SNF8: variants seen among roughly 807,000 people sequenced by gnomAD.
SNF8 encodes SNF8 subunit of ESCRT-II.
SNF8 carries 19 observed loss-of-function variants against 36.8 expected under a neutral mutation model. The observed-to-expected ratio is 0.52, with a 90% CI of 0.36 to 0.76. SNF8 has a LOEUF of 0.76. SNF8 is among the 30% of genes least tolerant of loss of function. SNF8 has a pLI of 0.00. For synonymous variants in SNF8, 127 were observed against 127.4 expected (o/e 1.00, Z 0.02); for missense variants, 268 against 322.9 (o/e 0.83, Z 1.30).
At chr17:48,936,093 G>A in intron 5 of SNF8, 77 bp downstream of exon 5, 2 of 1,014,026 alleles carry the variant, frequency 2.0e-6, no homozygotes, top group Non-Finnish European at 3.1e-6. Context: ...TAGACATGAG[G>A]AATAGGGAGA....
At chr17:48,936,978 G>C (rs1567786923) in intron 4 of SNF8, 42 bp downstream of exon 4, 1 of 1,384,428 alleles carries the variant, frequency 7.2e-7, no homozygotes. Flanking sequence ...CTCCCTCTCA[G>C]AGAAGTCCAG....
chr17:48,934,490 G>T, intron 5 of SNF8: 1 of 209,742 alleles, frequency 4.8e-6, no homozygotes, highest in South Asian at 5.2e-5. Flanking sequence ...TGTAATCCCA[G>T]CTACTCAGGA....
Position 48,929,745 on chromosome 17 carries a change from G to A in SNF8, c.*730C>T, listed in dbSNP as rs1450347909. 6.6e-6 allele frequency: 1 copy of A among 152,170 alleles called. No individual in the cohort carries two copies. The allele number at this position is 152,170 out of a possible 1,614,324, so 9.4% of individuals were successfully genotyped here. On this transcript the variant is annotated 3_prime_UTR_variant, in exon 8 of 8. Coordinates refer to ENST00000502492, the MANE Select transcript of SNF8 (RefSeq NM_007241.4). Reference sequence around the variant, plus strand: ...TTACTTTGATTGAATCACCTGTGATGTTGAAGGCTGCCTACTTGGTGAAAT... The same window carrying A: ...TTACTTTGATTGAATCACCTGTGATATTGAAGGCTGCCTACTTGGTGAAAT...
chr17:48,931,599 C>G (rs958651405), intron 7 of SNF8, 44 bp downstream of exon 7: 2 of 1,531,464 alleles, frequency 1.3e-6, no homozygotes, highest in Non-Finnish European at 1.8e-6. Context: ...ATCCTCCCAA[C>G]TGGGGCCTGC....
chr17:48,931,539 G>A, intron 7 of SNF8, 104 bp downstream of exon 7: 2 of 922,914 alleles, frequency 2.2e-6, no homozygotes, highest in Non-Finnish European at 3.3e-6. Context: ...AGCCTTCAAG[G>A]CAGAAGGCCA....
Position 48,930,485 on chromosome 17 carries a change from G to A in SNF8, c.767C>T (p.Ala256Val), listed in dbSNP as rs773589996. 14 of 1,605,352 alleles carry A rather than the reference G, an allele frequency of 8.7e-6. No individual in the cohort carries two copies. The highest frequency in any genetic ancestry group is 5.0e-5 in the Admixed American group (3 of 59,436). ...QEITAEEAREALP is the reference protein window; with the variant it reads ...QEITAEEAREVLP Reference sequence around the variant, plus strand: ...CCCTTCCACATGCAGTCAGGGGAGGGCTTCTCTGGCCTCCTCAGCTGTAAT... The same window carrying A: ...CCCTTCCACATGCAGTCAGGGGAGGACTTCTCTGGCCTCCTCAGCTGTAAT... The change falls in exon 8 of 8, where the codon GCC (alanine) becomes GTC (valine). Residue 256 changes from alanine to valine, a missense_variant. Ala to Val is a moderately conservative substitution (Grantham distance 64). Coordinates refer to ENST00000502492, the MANE Select transcript of SNF8 (RefSeq NM_007241.4).
At chr17:48,931,589 A>G in intron 7 of SNF8, 54 bp downstream of exon 7, 2 of 1,444,592 alleles carry the variant, frequency 1.4e-6, no homozygotes. Flanking sequence ...TGGAACCCAC[A>G]TCCTCCCAAC....
chr17:48,944,809 C>A lies in SNF8; in HGVS notation c.-75G>T, dbSNP rs559088602. The stretch of plus-strand genomic sequence containing the variant: ...ACGTCCCGGACTCCGCCGCCGGCTC[C>A]CCAAGGCGGAAGCCCGAGCCGCGCG... On this transcript the variant is annotated 5_prime_UTR_variant, in exon 1 of 8. Coordinates refer to ENST00000502492, the MANE Select transcript of SNF8 (RefSeq NM_007241.4). 2.1e-6 allele frequency: 3 copies of A among 1,452,754 alleles called. No homozygotes were observed. The highest frequency in any genetic ancestry group is 2.7e-6 in the Non-Finnish European group (3 of 1,114,534). 90.0% of individuals were successfully genotyped at this position (1,452,754 alleles called of 1,614,324 possible).
chr17:48,944,539 C>G (rs940893091), intron 1 of SNF8, 142 bp downstream of exon 1: 15 of 942,526 alleles, frequency 1.6e-5, no homozygotes, highest in Non-Finnish European at 2.5e-5. Context: ...CCACCGGAAG[C>G]TGGAGAAATT....
chr17:48,940,126 C>T (rs1045775739), intron 3 of SNF8, among the ~76,000 whole-genome samples: 1 of 149,928 alleles, frequency 6.7e-6, no homozygotes, highest in Non-Finnish European at 1.5e-5. Context: ...GCTGCAGCCT[C>T]AACTTCCCAG....
In SNF8 at chr17:48,933,283, A is replaced by G; in HGVS notation, c.486T>C (p.Pro162=). The change falls in exon 6 of 8, where the codon CCT becomes CCC. Residue 162 remains proline, a synonymous_variant. Transcript: ENST00000502492. The part of the protein sequence containing the change: ...KALGTGFGII[P]VGGTYLIQSV... ...ACTGAATGAGGTAAGTGCCGCCCACAGGGATGATGCCGAAGCCAGTGCCAA... is the reference window on the plus strand; with the variant it reads ...ACTGAATGAGGTAAGTGCCGCCCACGGGGATGATGCCGAAGCCAGTGCCAA... The G allele has an allele frequency of 6.2e-7, 1 of 1,614,166 alleles. No homozygotes were observed. Among genetic ancestry groups the G allele is most frequent in the East Asian group, 2.2e-5 (1 of 44,886 alleles).
chr17:48,930,432 C>A lies in SNF8; in HGVS notation c.*43G>T. ...AATTGCCCAGGTTTATTTGCCACCT[C>A]CGCCTCCTCCCTGCCTGCTGCTGTG... On this transcript the variant is annotated 3_prime_UTR_variant, in exon 8 of 8. Coordinates refer to ENST00000502492, the MANE Select transcript of SNF8 (RefSeq NM_007241.4). The A allele has an allele frequency of 6.8e-7, 1 of 1,465,418 alleles. No individual in the cohort carries two copies. Among genetic ancestry groups the A allele is most frequent in the Non-Finnish European group, 9.1e-7 (1 of 1,097,398 alleles). The allele number at this position is 1,465,418 out of a possible 1,614,324, so 90.8% of individuals were successfully genotyped here.
chr17:48,933,766 C>T (rs1263629348), intron 5 of SNF8, among the ~76,000 whole-genome samples: 1 of 152,106 alleles, frequency 6.6e-6, no homozygotes, highest in African/African-American at 2.4e-5. Flanking sequence ...CACTCAACTA[C>T]GTCAGTAAAA....
At chr17:48,937,929 A>T (rs1055601809) in intron 3 of SNF8, among the ~76,000 whole-genome samples, 24 of 105,042 alleles carry the variant, frequency 2.3e-4, no homozygotes, top group African/African-American at 1.8e-4. Flanking sequence ...CGTTTCAAAA[A>T]AAATAAATAA....
chr17:48,930,836 A>C (rs992963625), intron 7 of SNF8, among the ~76,000 whole-genome samples: 1 of 152,234 alleles, frequency 6.6e-6, no homozygotes, highest in African/African-American at 2.4e-5. Context: ...CTGCTGGGGA[A>C]GAGGGGTAAA....
intron 6 of SNF8, 98 bp downstream of exon 6, chr17:48,933,107 A>G: frequency 7.3e-7 from 1 of 1,370,812 alleles, no homozygotes; most frequent in South Asian, 1.3e-5. Context: ...AGTCTCAGCA[A>G]AAGACCTGCA....
At chr17:48,942,847 CTTTTTTTTT>C (rs71144543) in intron 2 of SNF8, among the ~76,000 whole-genome samples, 1 of 86,184 alleles carries the variant, frequency 1.2e-5, no homozygotes, top group Non-Finnish European at 2.0e-5. Flanking sequence ...CGCACCCGGC[CTTTTTTTTT>C]TTTTTTTTTT....
intron 2 of SNF8, among the ~76,000 whole-genome samples, chr17:48,942,771 C>T (rs1288810381): frequency 6.6e-6 from 1 of 152,024 alleles, no homozygotes; most frequent in African/African-American, 2.4e-5. Context: ...TTACTTAACA[C>T]CCCAGTGTCC....
In SNF8 at chr17:48,944,742, C is replaced by G. The variant is rs1251621611; in HGVS notation, c.-8G>C. 1.3e-6 allele frequency: 2 copies of G among 1,599,402 alleles called. No individual in the cohort carries two copies. The highest frequency in any genetic ancestry group is 3.4e-5 in the Admixed American group (2 of 58,800). On this transcript the variant is annotated 5_prime_UTR_variant, in exon 1 of 8. Coordinates refer to ENST00000502492, the MANE Select transcript of SNF8 (RefSeq NM_007241.4). ...CACCCCGCGGCGGTGCATCCCCACC[C>G]TGGGCCCGCGGGCCGCCCGGCTGCC...
Sources: gnomAD v4.1 joint callset for allele counts (sites outside exome capture counted in the v4.1 genomes callset) on GRCh38, gnomAD v4.1.1 for gene constraint, MANE v1.5 for transcripts, NCBI Gene and HGNC (gene_info 2026-07-23, HGNC 2026-07-21) for gene names.